Variants in GLIS3 observed in about 807,000 individuals in gnomAD.
GLIS3 encodes the protein zinc finger protein GLIS3.
Under a neutral mutation model 78.6 loss-of-function variants are expected in GLIS3, and 53 were observed. The ratio of observed to expected loss-of-function variants is 0.67; its 90% CI spans 0.54 to 0.85. The LOEUF (loss-of-function observed/expected upper bound fraction) is 0.85, where lower values mean the gene tolerates loss of function less well. GLIS3 is among the 40% of genes least tolerant of loss of function. GLIS3 has a pLI of 0.00. For missense variants in GLIS3, 1,703 were observed against 1,231.1 expected (o/e 1.38, Z -5.74); for synonymous variants, 684 against 509.9 (o/e 1.34, Z -4.60).
At chr9:3,986,283 G>A (rs1197657359) in intron 4 of GLIS3, among the ~76,000 whole-genome samples, 3 of 152,076 alleles carry the variant, frequency 2.0e-5, no homozygotes, top group Admixed American at 2.0e-4. Flanking sequence ...CATCATGACC[G>A]AAAAATAAAG....
intron 2 of GLIS3, among the ~76,000 whole-genome samples, chr9:4,177,413 C>G (rs993481752): frequency 6.6e-6 from 1 of 152,122 alleles, no homozygotes; most frequent in Non-Finnish European, 1.5e-5. Context: ...TAGATCAGCC[C>G]CAAATTTTGG....
At chr9:3,907,280 C>A (rs1357942015) in intron 6 of GLIS3, among the ~76,000 whole-genome samples, 1 of 152,124 alleles carries the variant, frequency 6.6e-6, no homozygotes, top group Non-Finnish European at 1.5e-5. Flanking sequence ...CAGTGTGGGA[C>A]CAGCATCATG....
intron 2 of GLIS3, among the ~76,000 whole-genome samples, chr9:4,255,930 T>C (rs1438416336): frequency 4.6e-5 from 7 of 152,216 alleles, no homozygotes; most frequent in Admixed American, 3.9e-4. Flanking sequence ...GGGATGTTGA[T>C]AATGGCGAAT....
intron 4 of GLIS3, among the ~76,000 whole-genome samples, chr9:3,979,186 CTA>C (rs1819039133): frequency 6.6e-6 from 1 of 152,280 alleles, no homozygotes; most frequent in African/African-American, 2.4e-5. Flanking sequence ...ACAAAACACT[CTA>C]AACCTGTTAC....
At chr9:3,982,184 C>T (rs1177426445) in intron 4 of GLIS3, among the ~76,000 whole-genome samples, 1 of 151,752 alleles carries the variant, frequency 6.6e-6, no homozygotes, top group Non-Finnish European at 1.5e-5. Context: ...TGCCCTTCCT[C>T]TACCAGCAGG....
chr9:4,339,569 C>A (rs1412648418), intron 2 of GLIS3, among the ~76,000 whole-genome samples: 1 of 150,936 alleles, frequency 6.6e-6, no homozygotes, highest in Non-Finnish European at 1.5e-5. Flanking sequence ...CCTCTCCAAC[C>A]TGTTGCTTCT....
the GLIS3 span, among the ~76,000 whole-genome samples, chr9:4,483,614 A>G: frequency 2.0e-5 from 3 of 151,732 alleles, no homozygotes; most frequent in African/African-American, 7.3e-5. Context: ...CAACTACTCA[A>G]GAGGCTGAGG....
At chr9:3,994,141 C>A (rs948759831) in intron 4 of GLIS3, among the ~76,000 whole-genome samples, 3 of 152,188 alleles carry the variant, frequency 2.0e-5, no homozygotes, top group South Asian at 2.1e-4. Context: ...TTCCAAAGAA[C>A]CACCTGCTTT....
chr9:4,104,704 G>A (rs1830624537), intron 4 of GLIS3, among the ~76,000 whole-genome samples: 1 of 152,048 alleles, frequency 6.6e-6, no homozygotes, highest in South Asian at 2.1e-4. Context: ...GATGTTTCTA[G>A]AACACACTTG....
chr9:4,364,554 A>G, the GLIS3 span, among the ~76,000 whole-genome samples: 8 of 152,112 alleles, frequency 5.3e-5, no homozygotes, highest in Non-Finnish European at 1.0e-4. Context: ...AACAATATCC[A>G]TAATGCAATA....
rs145109654 is a variant in GLIS3, at chr9:4,230,677, C to T, written c.388+55361G>A. ...CATTATAATACCTAATTATGGACTG[C>T]GCATGGGGAACCAGGTGAAAGTAAC... On this transcript the variant is annotated intron_variant, in intron 2 of 10. Coordinates refer to ENST00000381971, the MANE Select transcript of GLIS3 (RefSeq NM_001042413.2). Among the ~76,000 whole-genome samples, 53 of 152,224 alleles carry T rather than the reference C, an allele frequency of 3.5e-4. No homozygotes were observed. The East Asian group carries it at 9.4e-3, about 27-fold the overall frequency.
chr9:4,103,770 G>C (rs1248620412), intron 4 of GLIS3, among the ~76,000 whole-genome samples: 1 of 152,178 alleles, frequency 6.6e-6, no homozygotes, highest in Non-Finnish European at 1.5e-5. Flanking sequence ...TCTTGGAAGA[G>C]GTCCCTCTTG....
At chr9:4,268,738 T>C (rs1352509976) in intron 2 of GLIS3, among the ~76,000 whole-genome samples, 1 of 152,318 alleles carries the variant, frequency 6.6e-6, no homozygotes, top group East Asian at 1.9e-4. Context: ...GTTGATTTGA[T>C]TCTGGAAGAG....
Position 3,856,170 on chromosome 9 carries a change from G to T in GLIS3, c.2312C>A (p.Ala771Asp). The stretch of plus-strand genomic sequence containing the variant: ...GGGGCTGATGTGGTGAGGAGATGGA[G>T]CAGAAGGTGCAAACCTGAGAAAACA... ...DAGAERFAPS[A>D]PSPHHISPRR... Residue 771 changes from alanine to aspartate, a missense_variant, in exon 9 of 11, where the codon GCT (alanine) becomes GAT (aspartate). By Grantham distance (126) the Ala-to-Asp change is moderately radical. Transcript: ENST00000381971. 1 of 1,613,946 alleles carries T rather than the reference G, an allele frequency of 6.2e-7. No individual in the cohort carries two copies. The highest frequency in any genetic ancestry group is 8.5e-7 in the Non-Finnish European group (1 of 1,179,930).
intron 2 of GLIS3, among the ~76,000 whole-genome samples, chr9:4,244,028 A>C (rs929226830): frequency 2.6e-5 from 4 of 152,192 alleles, no homozygotes; most frequent in Non-Finnish European, 4.4e-5. Context: ...CTCAACCCCC[A>C]TGCACATACG....
chr9:3,862,233 T>C (rs933812406), intron 8 of GLIS3, among the ~76,000 whole-genome samples: 5 of 152,114 alleles, frequency 3.3e-5, no homozygotes. Context: ...TGGAAAGCAA[T>C]CATGAGTGGT....
At chr9:4,328,924 A>G (rs1031808199) in intron 2 of GLIS3, among the ~76,000 whole-genome samples, 1 of 152,214 alleles carries the variant, frequency 6.6e-6, no homozygotes, top group African/African-American at 2.4e-5. Context: ...AGGCTGACAG[A>G]GTGCAGTTCC....
At chr9:3,882,883 A>G (rs774583824) in intron 7 of GLIS3, among the ~76,000 whole-genome samples, 3 of 152,222 alleles carry the variant, frequency 2.0e-5, no homozygotes, top group Non-Finnish European at 2.9e-5. Context: ...GGAAAATCTT[A>G]CTTCTGGTGA....
At chr9:4,123,792 T>C (rs1832366060) in intron 3 of GLIS3, 1 of 398,314 alleles carries the variant, frequency 2.5e-6, no homozygotes, top group Non-Finnish European at 4.4e-6. Context: ...GGGGACAGAA[T>C]TCAGGATGAC....
Sources: gnomAD v4.1 joint callset for allele counts (sites outside exome capture counted in the v4.1 genomes callset) on GRCh38, gnomAD v4.1.1 for gene constraint, MANE v1.5 for transcripts, NCBI Gene and HGNC (gene_info 2026-07-23, HGNC 2026-07-21) for gene names.